The following AGPS variants were observed in gnomAD, a reference collection of about 807,000 sequenced individuals.
AGPS encodes the protein alkylglycerone phosphate synthase.
In AGPS, 26 loss-of-function variants were observed where a neutral mutation model predicts 90.7. The observed-to-expected ratio is 0.29, with a 90% CI of 0.21 to 0.40. AGPS has a LOEUF of 0.40. Ranked by LOEUF, AGPS falls within the 10% of genes least tolerant of loss-of-function variation. The probability of loss-of-function intolerance (pLI) is 1.00; values close to 1 mark genes in which losing one functional copy is unlikely to be tolerated. For synonymous variants in AGPS, 294 were observed against 285.3 expected (o/e 1.03, Z -0.31); for missense variants, 540 against 816.1 (o/e 0.66, Z 4.12).
chr2:177,398,033 A>AAAAAC (rs1403708366), intron 1 of AGPS, among the ~76,000 whole-genome samples: 1 of 152,208 alleles, frequency 6.6e-6, no homozygotes, highest in Non-Finnish European at 1.5e-5. Flanking sequence ...CTGTGTCTCA[A>AAAAAC]AAAACAAAAC....
At chr2:177,483,983 A>G (rs1016118301) in intron 11 of AGPS, among the ~76,000 whole-genome samples, 7 of 148,070 alleles carry the variant, frequency 4.7e-5, no homozygotes, top group African/African-American at 1.7e-4. Flanking sequence ...CTATGAATTA[A>G]TACATAAAAG....
intron 16 of AGPS, among the ~76,000 whole-genome samples, chr2:177,510,158 A>AT (rs1227232064): frequency 1.3e-5 from 2 of 152,114 alleles, no homozygotes; most frequent in African/African-American, 4.8e-5. Flanking sequence ...ACAAGAAACA[A>AT]TTATTTCTTA....
chr2:177,411,189 G>A (rs1574346401), intron 1 of AGPS, among the ~76,000 whole-genome samples: 1 of 152,070 alleles, frequency 6.6e-6, no homozygotes, highest in Non-Finnish European at 1.5e-5. Flanking sequence ...GGCCTAAGGC[G>A]GACTTTTGAA....
chr2:177,460,717 A>G (rs1290362110), intron 8 of AGPS, among the ~76,000 whole-genome samples: 2 of 152,220 alleles, frequency 1.3e-5, no homozygotes, highest in Non-Finnish European at 2.9e-5. Context: ...GAAGAAATAT[A>G]ATGTAACAGT....
intron 14 of AGPS, among the ~76,000 whole-genome samples, chr2:177,501,389 G>T (rs1025348681): frequency 2.6e-5 from 4 of 152,066 alleles, no homozygotes; most frequent in Non-Finnish European, 5.9e-5. Context: ...CTGTTAGAAT[G>T]GGGTAGGATG....
intron 5 of AGPS, 124 bp downstream of exon 5, chr2:177,437,178 G>T: frequency 2.2e-6 from 2 of 926,304 alleles, no homozygotes; most frequent in African/African-American, 1.6e-5. Context: ...ATTTTTAAGA[G>T]AGTTTACATA....
chr2:177,524,760 G>A (rs752152510), intron 19 of AGPS, among the ~76,000 whole-genome samples: 18 of 152,018 alleles, frequency 1.2e-4, no homozygotes, highest in Middle Eastern at 3.2e-3. Flanking sequence ...TTCTAGTTTT[G>A]TTTGTTGCTA....
At chr2:177,493,121 T>A in intron 11 of AGPS, 27 bp from the exon 12 acceptor site, 1 of 1,592,500 alleles carries the variant, frequency 6.3e-7, no homozygotes, top group Non-Finnish European at 8.6e-7. Context: ...TAAATTTGTA[T>A]CACTTTTTTT....
chr2:177,397,471 T>G, intron 1 of AGPS, among the ~76,000 whole-genome samples: 1 of 145,918 alleles, frequency 6.9e-6, no homozygotes, highest in Non-Finnish European at 1.5e-5. Flanking sequence ...TTTTTTCAGT[T>G]TTTTTTTTTT....
Position 177,445,578 on chromosome 2 carries a change from G to T in AGPS, c.822G>T (p.Leu274Phe). 6.2e-7 allele frequency: 1 copy of T among 1,613,954 alleles called. No homozygotes were observed. The highest frequency in any genetic ancestry group is 1.1e-5 in the South Asian group (1 of 91,066). Residue 274 changes from leucine (L) to phenylalanine (F), a missense_variant, in exon 8 of 20, where the codon TTG (leucine) becomes TTT (phenylalanine). Physicochemically the swap from Leu to Phe is conservative, Grantham distance 22. Around this residue, in one of 2 missense-constraint regions of AGPS, gnomAD observed 405 missense variants for 692.1 expected, o/e 0.59. Coordinates refer to ENST00000264167, the MANE Select transcript of AGPS (RefSeq NM_003659.4). ...TTCTCTGGGTTGATGAGAACAATTT[G>T]ACAGCTCATGTAGAGGCTGGCATAA... ...NRILWVDENNLTAHVEAGITG... is the reference protein window; with the variant it reads ...NRILWVDENNFTAHVEAGITG...
At chr2:177,519,502 A>G (rs1689118950) in intron 17 of AGPS, among the ~76,000 whole-genome samples, 1 of 152,208 alleles carries the variant, frequency 6.6e-6, no homozygotes, top group Admixed American at 6.5e-5. Flanking sequence ...TATTTTGGCT[A>G]TATACAGCTT....
chr2:177,444,002 G>GAT (rs141206461), intron 7 of AGPS, among the ~76,000 whole-genome samples: 5,332 of 152,136 alleles, frequency 0.035, 201 homozygotes, highest in African/African-American at 0.097. Context: ...TGGGGGAGAA[G>GAT]ATATATATAT....
rs2079259005 is a variant in AGPS, at chr2:177,543,613, G to A, written c.*5418G>A. 1 of 152,234 alleles carries A rather than the reference G, an allele frequency of 6.6e-6. No homozygotes were observed. Among genetic ancestry groups the A allele is most frequent in the Non-Finnish European group, 1.5e-5 (1 of 68,032 alleles). The allele number at this position is 152,234 out of a possible 1,614,324, so 9.4% of individuals were successfully genotyped here. ...TTTATAGTCTAAAAGGGGATATGCAGTGGGAAGGAAAATTCCTGAGAGATT... is the reference window on the plus strand; with the variant it reads ...TTTATAGTCTAAAAGGGGATATGCAATGGGAAGGAAAATTCCTGAGAGATT... On this transcript the variant is annotated 3_prime_UTR_variant, in exon 20 of 20. Coordinates refer to ENST00000264167, the MANE Select transcript of AGPS (RefSeq NM_003659.4).
intron 1 of AGPS, among the ~76,000 whole-genome samples, chr2:177,412,419 A>G (rs1184136420): frequency 2.6e-5 from 4 of 152,148 alleles, no homozygotes; most frequent in African/African-American, 9.7e-5. Flanking sequence ...TGAAAGCGCA[A>G]GCTGGTTCCA....
intron 15 of AGPS, 80 bp from the exon 16 acceptor site, chr2:177,507,890 T>C: frequency 1.0e-6 from 1 of 991,120 alleles, no homozygotes; most frequent in South Asian, 1.3e-5. Flanking sequence ...ATACTAACAA[T>C]GAATATGAAA....
chr2:177,501,918 G>A (rs1688572708), intron 14 of AGPS, among the ~76,000 whole-genome samples: 2 of 152,116 alleles, frequency 1.3e-5, no homozygotes, highest in South Asian at 2.1e-4. Context: ...CACCCGCCTT[G>A]GCCTCCCAAA....
At chr2:177,409,524 G>A (rs940073157) in intron 1 of AGPS, among the ~76,000 whole-genome samples, 2 of 152,066 alleles carry the variant, frequency 1.3e-5, no homozygotes, top group African/African-American at 2.4e-5. Context: ...TCCCAGCTGG[G>A]TTTAGGAATT....
rs185584526 is a variant in AGPS, at chr2:177,541,894, G to T, written c.*3699G>T. The T allele has an allele frequency of 6.6e-6, 1 of 152,240 alleles. No individual in the cohort carries two copies. Among genetic ancestry groups the T allele is most frequent in the East Asian group, 1.9e-4 (1 of 5,188 alleles). The allele number at this position is 152,240 out of a possible 1,614,324, so 9.4% of individuals were successfully genotyped here. A position where few individuals can be genotyped will look rare whatever the true frequency, so the allele number is the denominator to read the frequency against. ...TTTTCTTAAACTGTTAAAATATAGT[G>T]TCTGATATAAAGGATGTAAGTTACT... On this transcript the variant is annotated 3_prime_UTR_variant, in exon 20 of 20. Transcript: ENST00000264167.
intron 1 of AGPS, among the ~76,000 whole-genome samples, chr2:177,402,396 T>C (rs751411801): frequency 2.0e-5 from 3 of 152,240 alleles, no homozygotes; most frequent in Non-Finnish European, 4.4e-5. Flanking sequence ...GTTTAAAATA[T>C]GTAGCTTTTA....
Sources: allele counts gnomAD v4.1 joint callset (sites outside exome capture counted in the v4.1 genomes callset), GRCh38; gene constraint gnomAD v4.1.1; regional missense constraint gnomAD v4.1.1; transcripts MANE v1.5; gene names NCBI Gene and HGNC (gene_info 2026-07-23, HGNC 2026-07-21).